Variants in ERO1B observed in about 807,000 individuals in gnomAD.
The protein encoded by ERO1B is ERO1-like protein beta.
ERO1B carries 49 observed loss-of-function variants against 75.3 expected under a neutral mutation model. The ratio of observed to expected loss-of-function variants is 0.65; its 90% CI spans 0.52 to 0.83. The LOEUF (loss-of-function observed/expected upper bound fraction) is 0.83, where lower values mean the gene tolerates loss of function less well. ERO1B is among the 40% of genes least tolerant of loss of function. ERO1B has a pLI of 0.00. For synonymous variants in ERO1B, 191 were observed against 192.9 expected (o/e 0.99, Z 0.08); for missense variants, 512 against 560.1 (o/e 0.91, Z 0.87).
At chr1:236,228,175 T>C (rs539625160) in intron 10 of ERO1B, among the ~76,000 whole-genome samples, 109 of 152,274 alleles carry the variant, frequency 7.2e-4, no homozygotes, top group African/African-American at 2.6e-3. Context: ...AAAATCCATA[T>C]GCCTACAAAC....
In ERO1B at chr1:236,278,905, G is replaced by A. The variant is rs557385039; in HGVS notation, c.102+2777C>T. On this transcript the variant is annotated intron_variant, in intron 1 of 15. Coordinates refer to ENST00000354619, the MANE Select transcript of ERO1B (RefSeq NM_019891.4). ...ATGACTTTGATTTCTTGTGAACAGAGGTAGTTTTCAAAAATTCTAATTCTT... is the reference window on the plus strand; with the variant it reads ...ATGACTTTGATTTCTTGTGAACAGAAGTAGTTTTCAAAAATTCTAATTCTT... Among the ~76,000 whole-genome samples, 58 of 152,240 alleles carry A rather than the reference G, an allele frequency of 3.8e-4. No homozygotes were observed. In the South Asian group the frequency reaches 0.011, roughly 29 times the overall value.
Position 236,281,696 on chromosome 1 carries a change from C to G in ERO1B, c.88G>C (p.Val30Leu). ...CTCGGGCTTACCTGCGCCTCGACGA[C>G]GCTCCGCAGGAAGCTCAGGGTGACC... is the stretch of plus-strand genomic sequence containing the variant. ...LLVTLSFLRS[V>L]VEAQVTGVLD... Residue 30 changes from valine to leucine, a missense_variant, in exon 1 of 16, where the codon GTC becomes CTC. Val to Leu is a conservative substitution (Grantham distance 32). Coordinates refer to ENST00000354619, the MANE Select transcript of ERO1B (RefSeq NM_019891.4). 6.7e-7 allele frequency: 1 copy of G among 1,486,964 alleles called. No individual in the cohort carries two copies. The allele number at this position is 1,486,964 out of a possible 1,614,324, so 92.1% of individuals were successfully genotyped here.
chr1:236,245,166 T>G (rs529787273), intron 5 of ERO1B, among the ~76,000 whole-genome samples: 1 of 150,038 alleles, frequency 6.7e-6, no homozygotes, highest in African/African-American at 2.4e-5. Context: ...ATTTATTTAT[T>G]TATTTTTTTG....
At chr1:236,238,759 T>G (rs1005817341) in intron 6 of ERO1B, among the ~76,000 whole-genome samples, 1 of 151,992 alleles carries the variant, frequency 6.6e-6, no homozygotes, top group Admixed American at 6.6e-5. Context: ...TGTGTGTACA[T>G]GTAGGACTAC....
intron 10 of ERO1B, 80 bp downstream of exon 10, chr1:236,230,144 T>A (rs1329560736): frequency 4.1e-5 from 48 of 1,175,026 alleles, no homozygotes; most frequent in Non-Finnish European, 5.8e-5. Context: ...GGTAATAAAA[T>A]CCTAGACCTT....
At chr1:236,277,758 A>T (rs1018689643) in intron 1 of ERO1B, among the ~76,000 whole-genome samples, 1 of 152,334 alleles carries the variant, frequency 6.6e-6, no homozygotes, top group Admixed American at 6.5e-5. Flanking sequence ...AAGAAAAAAG[A>T]CATGAAATGG....
chr1:236,242,848 T>C (rs1160788847), intron 6 of ERO1B, among the ~76,000 whole-genome samples: 2 of 152,182 alleles, frequency 1.3e-5, no homozygotes, highest in Non-Finnish European at 2.9e-5. Flanking sequence ...AGAGAAGTGG[T>C]AGTTACTCTG....
chr1:236,244,589 T>TA (rs1472212633), intron 5 of ERO1B, among the ~76,000 whole-genome samples: 1 of 152,200 alleles, frequency 6.6e-6, no homozygotes, highest in East Asian at 1.9e-4. Context: ...TCAATAGTGA[T>TA]ACAAATTCCT....
intron 1 of ERO1B, among the ~76,000 whole-genome samples, chr1:236,273,768 T>C (rs1665649639): frequency 7.3e-6 from 1 of 137,880 alleles, no homozygotes; most frequent in Admixed American, 7.8e-5. Context: ...ATCACACCAC[T>C]GCACTCCAGC....
chr1:236,274,174 G>A (rs922357787), intron 1 of ERO1B, among the ~76,000 whole-genome samples: 1 of 151,942 alleles, frequency 6.6e-6, no homozygotes, highest in African/African-American at 2.4e-5. Flanking sequence ...AGTAGAGACA[G>A]CGTTTCACCA....
chr1:236,265,549 G>C (rs1024803440), intron 2 of ERO1B, among the ~76,000 whole-genome samples: 3 of 152,096 alleles, frequency 2.0e-5, no homozygotes, highest in African/African-American at 7.2e-5. Context: ...GCATTCTATT[G>C]CAAATCTGTA....
intron 2 of ERO1B, among the ~76,000 whole-genome samples, chr1:236,258,463 A>G (rs1393886503): frequency 1.3e-5 from 2 of 152,208 alleles, no homozygotes; most frequent in African/African-American, 4.8e-5. Flanking sequence ...TTCTTCAAAA[A>G]TAAAAGGGGA....
chr1:236,274,487 G>T (rs1017844272), intron 1 of ERO1B, among the ~76,000 whole-genome samples: 1 of 151,972 alleles, frequency 6.6e-6, no homozygotes, highest in Non-Finnish European at 1.5e-5. Flanking sequence ...ATACTCATCT[G>T]CAGAAATCAA....
At chr1:236,224,198 C>G (rs1749556) in intron 13 of ERO1B, among the ~76,000 whole-genome samples, 71,351 of 151,906 alleles carry the variant, frequency 0.47, 17,485 homozygotes, top group East Asian at 0.88. Flanking sequence ...CTGCTATATT[C>G]TTACACCAGT....
At chr1:236,263,221 G>A (rs1244468953) in intron 2 of ERO1B, among the ~76,000 whole-genome samples, 1 of 150,908 alleles carries the variant, frequency 6.6e-6, no homozygotes, top group East Asian at 2.0e-4. Flanking sequence ...CTAGCTCCAG[G>A]AAAATAAACA....
At chr1:236,271,704 A>C (rs117618157) in intron 1 of ERO1B, among the ~76,000 whole-genome samples, 2,214 of 151,978 alleles carry the variant, frequency 0.015, 45 homozygotes, top group African/African-American at 0.047. Context: ...AAATACTGCC[A>C]GTGTCCTTTA....
intron 2 of ERO1B, among the ~76,000 whole-genome samples, chr1:236,259,462 T>A (rs1665240518): frequency 6.6e-6 from 1 of 152,246 alleles, no homozygotes; most frequent in African/African-American, 2.4e-5. Flanking sequence ...GGCGAATGGA[T>A]TAAAAAATAA....
In ERO1B at chr1:236,268,611, G is replaced by A. The variant is rs10924904; in HGVS notation, c.222+1264C>T. 2.2e-3 allele frequency among the ~76,000 whole-genome samples: 329 copies of A among 152,306 alleles called. 3 individuals carry two copies. Among genetic ancestry groups the A allele is most frequent in the African/African-American group, 7.6e-3 (315 of 41,568 alleles). ...CTAAAAAAAGCAAAAACAAGGCCGG[G>A]CGCGGTGGCTCACGCCTGTAATCCC... is the stretch of plus-strand genomic sequence containing the variant. On this transcript the variant is annotated intron_variant, in intron 2 of 15. Coordinates refer to ENST00000354619, the MANE Select transcript of ERO1B (RefSeq NM_019891.4).
At chr1:236,269,149 C>T (rs761525448) in intron 2 of ERO1B, among the ~76,000 whole-genome samples, 9 of 152,046 alleles carry the variant, frequency 5.9e-5, no homozygotes, top group Non-Finnish European at 1.2e-4. Context: ...GCAGAAGAAT[C>T]GCTTGAAGCC....
Sources: gnomAD v4.1 joint callset for allele counts (sites outside exome capture counted in the v4.1 genomes callset) on GRCh38, gnomAD v4.1.1 for gene constraint, MANE v1.5 for transcripts, NCBI Gene and HGNC (gene_info 2026-07-23, HGNC 2026-07-21) for gene names.